NR3C2: variants seen among roughly 807,000 people sequenced by gnomAD.
NR3C2 encodes nuclear receptor subfamily 3 group C member 2, also known as mineralocorticoid receptor.
In NR3C2, 15 loss-of-function variants were observed where a neutral mutation model predicts 86.4. That is an observed-to-expected ratio of 0.17 (90% CI 0.12 to 0.27). NR3C2 has a LOEUF of 0.27. Among genes scored for constraint, NR3C2 ranks in the 10% least tolerant of loss-of-function variants. NR3C2 has a pLI of 1.00. For missense variants in NR3C2, 960 were observed against 1,195.6 expected, an observed-to-expected ratio of 0.80 and a Z score of 2.91; for synonymous variants, 458 against 450.5, an observed-to-expected ratio of 1.02 and a Z score of -0.21.
chr4:148,368,402 C>T (rs1039316720), intron 2 of NR3C2: 1 of 152,134 alleles, frequency 6.6e-6, no homozygotes, highest in Admixed American at 6.6e-5. Flanking sequence ...ATTACTACCT[C>T]TTCAAAGAAG....
At chr4:148,423,294 G>A (rs978110643) in intron 2 of NR3C2, among the ~76,000 whole-genome samples, 1 of 151,640 alleles carries the variant, frequency 6.6e-6, no homozygotes, top group African/African-American at 2.4e-5. Flanking sequence ...ATTCACCAAT[G>A]TCTATAATCT....
intron 6 of NR3C2, 54 bp downstream of exon 6, chr4:148,152,415 C>A (rs1001488775): frequency 3.7e-5 from 58 of 1,565,956 alleles, no homozygotes; most frequent in Non-Finnish European, 4.8e-5. Flanking sequence ...TGAAAGAAAT[C>A]ATAACGCATA....
chr4:148,292,782 A>G (rs1267849796), intron 2 of NR3C2, among the ~76,000 whole-genome samples: 1 of 152,170 alleles, frequency 6.6e-6, no homozygotes, highest in Non-Finnish European at 1.5e-5. Flanking sequence ...ACTCAGAGCT[A>G]TTACCAGAAC....
At chr4:148,246,741 C>T (rs1174987299) in intron 3 of NR3C2, among the ~76,000 whole-genome samples, 1 of 151,996 alleles carries the variant, frequency 6.6e-6, no homozygotes, top group African/African-American at 2.4e-5. Context: ...TTAGTAGAGA[C>T]AGGGTTTCAC....
intron 2 of NR3C2, 123 bp downstream of exon 2, chr4:148,434,981 A>T: frequency 1.1e-6 from 1 of 924,976 alleles, no homozygotes; most frequent in Non-Finnish European, 1.7e-6. Context: ...AAGTGGAGCA[A>T]CATATGACCA....
intron 2 of NR3C2, among the ~76,000 whole-genome samples, chr4:148,396,109 C>T (rs1362764695): frequency 6.6e-6 from 1 of 152,166 alleles, no homozygotes; most frequent in East Asian, 1.9e-4. Flanking sequence ...TTATTTTAGA[C>T]AGATTTCTAT....
Position 148,436,721 on chromosome 4 carries a change from T to C in NR3C2, c.140A>G (p.Asn47Ser), listed in dbSNP as rs199942132. ...TDENNYMEIV[N>S]VSCVSGAIPN... ...AATAGCACCGGAAACACAGCTTACG[T>C]TGACAATCTCCATGTAGTTATTCTC... Residue 47 changes from asparagine (N) to serine (S), a missense_variant, in exon 2 of 9, where the codon AAC (asparagine) becomes AGC (serine). Asn to Ser is a conservative substitution (Grantham distance 46). Transcript: ENST00000358102. 1.2e-6 allele frequency: 2 copies of C among 1,614,220 alleles called. No homozygotes were observed. The highest frequency in any genetic ancestry group is 8.5e-7 in the Non-Finnish European group (1 of 1,180,048).
chr4:148,223,951 T>C (rs1281310935), intron 3 of NR3C2, among the ~76,000 whole-genome samples: 1 of 152,014 alleles, frequency 6.6e-6, no homozygotes, highest in Non-Finnish European at 1.5e-5. Flanking sequence ...CAAATGAACA[T>C]ATAGAACCTA....
At chr4:148,186,978 A>C in intron 4 of NR3C2, among the ~76,000 whole-genome samples, 1 of 112,390 alleles carries the variant, frequency 8.9e-6, no homozygotes, top group Non-Finnish European at 1.8e-5. Flanking sequence ...ATTCCATCAT[A>C]CTGATGTGTG....
chr4:148,273,608 G>A (rs375949364), intron 2 of NR3C2, among the ~76,000 whole-genome samples: 1 of 152,132 alleles, frequency 6.6e-6, no homozygotes, highest in Non-Finnish European at 1.5e-5. Context: ...AGCCCCAGGG[G>A]TGCTGGCTGT....
chr4:148,082,569 A>T (rs1041563317), intron 8 of NR3C2, among the ~76,000 whole-genome samples: 3 of 152,064 alleles, frequency 2.0e-5, no homozygotes, highest in African/African-American at 7.2e-5. Flanking sequence ...CACAACCCAT[A>T]GACCAGGAGA....
At chr4:148,132,410 G>A (rs1015635196) in intron 6 of NR3C2, among the ~76,000 whole-genome samples, 1 of 152,078 alleles carries the variant, frequency 6.6e-6, no homozygotes, top group African/African-American at 2.4e-5. Context: ...AAGACAAAGA[G>A]CAAACTATAG....
At chr4:148,211,454 G>A (rs1009187791) in intron 3 of NR3C2, among the ~76,000 whole-genome samples, 5 of 152,144 alleles carry the variant, frequency 3.3e-5, no homozygotes, top group African/African-American at 1.2e-4. Flanking sequence ...TCTGCTCACT[G>A]CAGTTCTAGA....
chr4:148,102,033 C>A (rs946914745), intron 8 of NR3C2, among the ~76,000 whole-genome samples: 2 of 152,228 alleles, frequency 1.3e-5, no homozygotes, highest in South Asian at 2.1e-4. Flanking sequence ...GTTGTTCAGG[C>A]CATTTGCTAA....
At chr4:148,426,476 G>A (rs1749537194) in intron 2 of NR3C2, among the ~76,000 whole-genome samples, 1 of 152,212 alleles carries the variant, frequency 6.6e-6, no homozygotes. Flanking sequence ...ATTAGTTTCA[G>A]TATCCATGCC....
intron 3 of NR3C2, among the ~76,000 whole-genome samples, chr4:148,231,530 AT>A (rs1307977364): frequency 1.3e-5 from 2 of 152,196 alleles, no homozygotes; most frequent in African/African-American, 4.8e-5. Flanking sequence ...AAAATACCTT[AT>A]TTCTAAAACT....
intron 2 of NR3C2, among the ~76,000 whole-genome samples, chr4:148,337,845 GT>G (rs980158245): frequency 6.6e-6 from 1 of 151,856 alleles, no homozygotes; most frequent in Non-Finnish European, 1.5e-5. Context: ...TTCTGTTTTT[GT>G]TTTTTTGGGA....
At chr4:148,111,521 C>A (rs1406081066) in intron 8 of NR3C2, among the ~76,000 whole-genome samples, 1 of 152,188 alleles carries the variant, frequency 6.6e-6, no homozygotes, top group Non-Finnish European at 1.5e-5. Flanking sequence ...AAGACTTGTA[C>A]ATAAAGGTTC....
intron 8 of NR3C2, among the ~76,000 whole-genome samples, chr4:148,094,066 A>G (rs1463703633): frequency 2.6e-5 from 4 of 152,252 alleles, no homozygotes; most frequent in Admixed American, 6.5e-5. Context: ...ACACAAATGT[A>G]TCTTTACAAG....
Sources: allele counts gnomAD v4.1 joint callset (sites outside exome capture counted in the v4.1 genomes callset), GRCh38; gene constraint gnomAD v4.1.1; transcripts MANE v1.5; gene names NCBI Gene and HGNC (gene_info 2026-07-23, HGNC 2026-07-21).